The following FYB2 variants were observed in gnomAD, a reference collection of about 807,000 sequenced individuals.
The protein encoded by FYB2 is FYN-binding protein 2.
FYB2 carries 103 observed loss-of-function variants against 94.1 expected under a neutral mutation model. The ratio of observed to expected loss-of-function variants is 1.09; its 90% CI spans 0.93 to 1.29. The LOEUF is 1.29. Ranked by LOEUF, FYB2 falls within the 50% of genes most tolerant of loss-of-function variation. The probability of loss-of-function intolerance (pLI) is 0.00; values close to 1 mark genes in which losing one functional copy is unlikely to be tolerated. For synonymous variants in FYB2, 293 were observed against 287.9 expected (o/e 1.02, Z -0.18); for missense variants, 896 against 841.5 (o/e 1.06, Z -0.80).
At chr1:56,771,716 A>G (rs920267725) in intron 4 of FYB2, among the ~76,000 whole-genome samples, 7 of 152,168 alleles carry the variant, frequency 4.6e-5, no homozygotes, top group African/African-American at 1.7e-4. Context: ...AGAAAAAATT[A>G]CACATAACCT....
intron 8 of FYB2, among the ~76,000 whole-genome samples, chr1:56,753,237 C>A (rs896609008): frequency 1.3e-5 from 2 of 152,060 alleles, no homozygotes; most frequent in Non-Finnish European, 2.9e-5. Flanking sequence ...TCCTGCCACC[C>A]AACTGCTTTG....
intron 1 of FYB2, among the ~76,000 whole-genome samples, chr1:56,796,248 C>T (rs35302663): frequency 0.21 from 31,716 of 152,042 alleles, 3,664 homozygotes; most frequent in East Asian, 0.33. Context: ...AGATGTGATG[C>T]CTTTTGTTTT....
intron 4 of FYB2, among the ~76,000 whole-genome samples, chr1:56,774,831 G>C (rs1645839029): frequency 6.6e-6 from 1 of 152,040 alleles, no homozygotes. Flanking sequence ...AGTGCAACTA[G>C]AATAAAATAA....
chr1:56,800,478 T>C (rs901246678), intron 1 of FYB2, among the ~76,000 whole-genome samples: 2 of 151,970 alleles, frequency 1.3e-5, no homozygotes, highest in Non-Finnish European at 2.9e-5. Context: ...GGCAAAAAAA[T>C]AAATAAATTA....
At chr1:56,785,873 C>T (rs1301319683) in intron 4 of FYB2, among the ~76,000 whole-genome samples, 4 of 152,176 alleles carry the variant, frequency 2.6e-5, no homozygotes, top group African/African-American at 9.7e-5. Flanking sequence ...TGCATCCCTG[C>T]TTTTTGCCAT....
intron 1 of FYB2, among the ~76,000 whole-genome samples, chr1:56,805,189 T>G (rs1646615236): frequency 6.6e-6 from 1 of 152,220 alleles, no homozygotes; most frequent in Admixed American, 6.5e-5. Flanking sequence ...CATACGTGTC[T>G]GCTTTACCAC....
rs745519158 is a variant in FYB2 at position 56,742,208 on chromosome 1, T to C, written c.1557A>G (p.Glu519=). 1 of 1,595,830 alleles carries C rather than the reference T, an allele frequency of 6.3e-7. No individual in the cohort carries two copies. The highest frequency in any genetic ancestry group is 1.1e-5 in the South Asian group (1 of 89,834). ...SLASSSEENR[E]LYEDVYKTKN... is the part of the protein sequence containing the mutation. ...TTGTTTTGTAGACATCTTCATACAGTTCTCTATTTTCTTCTGAAATTAGAA... is the reference window on the plus strand; with the variant it reads ...TTGTTTTGTAGACATCTTCATACAGCTCTCTATTTTCTTCTGAAATTAGAA... The change falls in exon 12 of 20, where the codon GAA becomes GAG. Residue 519 remains glutamate, a synonymous_variant. Coordinates refer to ENST00000343433, the MANE Select transcript of FYB2 (RefSeq NM_001004303.5).
At chr1:56,767,405 C>T (rs1645649681) in intron 5 of FYB2, among the ~76,000 whole-genome samples, 1 of 152,104 alleles carries the variant, frequency 6.6e-6, no homozygotes, top group Non-Finnish European at 1.5e-5. Flanking sequence ...ACACAGGGGC[C>T]TAATTCTCAT....
chr1:56,735,788 C>A (rs1644817735), intron 15 of FYB2, among the ~76,000 whole-genome samples: 1 of 152,112 alleles, frequency 6.6e-6, no homozygotes, highest in Non-Finnish European at 1.5e-5. Context: ...TTTCCTGAGG[C>A]CTCACCAGCC....
At chr1:56,720,452 AAC>A in intron 17 of FYB2, 123 bp from the exon 18 acceptor site, 2 of 830,810 alleles carry the variant, frequency 2.4e-6, no homozygotes, top group South Asian at 2.9e-5. Flanking sequence ...CTAGTTAAAT[AAC>A]ACATACAGGA....
intron 15 of FYB2, among the ~76,000 whole-genome samples, chr1:56,728,221 ATCT>A (rs1644625343): frequency 6.6e-6 from 1 of 151,780 alleles, no homozygotes; most frequent in African/African-American, 2.4e-5. Context: ...CTTTTCTCTC[ATCT>A]TCTTTTGCTC....
At position 56,750,715 on chromosome 1, in the gene FYB2, T is replaced by C. The variant is rs549635235; in HGVS notation, c.1387+329A>G. Among the ~76,000 whole-genome samples the C allele has an allele frequency of 5.9e-5, 9 of 152,102 alleles. 1 individual carries two copies. In the South Asian group the frequency reaches 1.9e-3, roughly 32 times the overall value. Reference sequence around the variant, plus strand: ...AAACATTTGCTGAGTACCTATCATATAATATACTGTCAGATTTGGTCCTCA... The same window carrying C: ...AAACATTTGCTGAGTACCTATCATACAATATACTGTCAGATTTGGTCCTCA... On this transcript the variant is annotated intron_variant, in intron 9 of 19. Transcript: ENST00000343433.
chr1:56,782,802 C>T (rs567651924), intron 4 of FYB2, among the ~76,000 whole-genome samples: 1 of 152,230 alleles, frequency 6.6e-6, no homozygotes, highest in Non-Finnish European at 1.5e-5. Flanking sequence ...CTTCCTACTC[C>T]CAAAATAAAC....
At chr1:56,765,952 G>T (rs1038641681) in intron 5 of FYB2, among the ~76,000 whole-genome samples, 35 of 151,982 alleles carry the variant, frequency 2.3e-4, no homozygotes, top group Admixed American at 2.1e-3. Flanking sequence ...CTACTTGCAG[G>T]GGGGTGGATT....
At chr1:56,766,572 C>T (rs1395513982) in intron 5 of FYB2, among the ~76,000 whole-genome samples, 3 of 151,922 alleles carry the variant, frequency 2.0e-5, no homozygotes, top group African/African-American at 7.3e-5. Context: ...TAGCTGGGAC[C>T]ACAGTCTCCC....
rs1319719566 is a variant in FYB2, at chr1:56,720,495, A to C, written c.1975-166T>G. 35 of 507,672 alleles carry C rather than the reference A, an allele frequency of 6.9e-5. No individual in the cohort carries two copies. In the Admixed American group the frequency reaches 1.5e-3, roughly 21 times the overall value. 31.4% of individuals were successfully genotyped at this position (507,672 alleles called of 1,614,324 possible). The stretch of plus-strand genomic sequence containing the variant: ...AAATAGGAAAGTATGCAGTTAAAGG[A>C]AAGTCGTTTAAGAAAATAATAGTAA... On this transcript the variant is annotated intron_variant, in intron 17 of 19. Transcript: ENST00000343433.
At chr1:56,747,121 C>T (rs1645085364) in intron 9 of FYB2, among the ~76,000 whole-genome samples, 2 of 151,802 alleles carry the variant, frequency 1.3e-5, no homozygotes, top group African/African-American at 4.8e-5. Flanking sequence ...TTTCTGAATA[C>T]CAAGCATTCA....
chr1:56,749,055 G>GTTT (rs60812894), intron 9 of FYB2, among the ~76,000 whole-genome samples: 1 of 141,930 alleles, frequency 7.0e-6, no homozygotes, highest in African/African-American at 2.5e-5. Context: ...ACTCAGTTGT[G>GTTT]TTTTTTTTTT....
chr1:56,753,090 C>A (rs1349377687), intron 8 of FYB2, among the ~76,000 whole-genome samples: 3 of 152,066 alleles, frequency 2.0e-5, no homozygotes, highest in Non-Finnish European at 4.4e-5. Flanking sequence ...CAGGCTCATA[C>A]AGCCAACATG....
Sources: gnomAD v4.1 joint callset for allele counts (sites outside exome capture counted in the v4.1 genomes callset) on GRCh38, gnomAD v4.1.1 for gene constraint, MANE v1.5 for transcripts, NCBI Gene and HGNC (gene_info 2026-07-23, HGNC 2026-07-21) for gene names.